Variants in BZW1 observed in about 807,000 individuals in gnomAD.
BZW1 encodes basic leucine zipper and W2 domains 1.
In BZW1, 3 loss-of-function variants were observed where a neutral mutation model predicts 54.1. That is an observed-to-expected ratio of 0.06 (90% CI 0.03 to 0.14). BZW1 has a LOEUF of 0.14. BZW1 is among the 10% of genes least tolerant of loss of function. BZW1 has a pLI of 1.00. For missense variants in BZW1, 206 were observed against 491.7 expected (o/e 0.42, Z 5.50); for synonymous variants, 152 against 162.7 (o/e 0.93, Z 0.50).
In BZW1 at chr2:200,815,521, A is replaced by G. The variant is rs1419993588; in HGVS notation, c.241+4A>G. On this transcript the variant is annotated splice_donor_region_variant and intron_variant, in intron 3 of 11. Coordinates refer to ENST00000409600, the MANE Select transcript of BZW1 (RefSeq NM_001207067.2). ...CTGGTGGCTGGTGGAATGCTGGGTAAGTGTCTGTGGTTTGTGGGCTTAATA... is the reference window on the plus strand; with the variant it reads ...CTGGTGGCTGGTGGAATGCTGGGTAGGTGTCTGTGGTTTGTGGGCTTAATA... The G allele has an allele frequency of 6.2e-7, 1 of 1,613,780 alleles. No individual in the cohort carries two copies. The highest frequency in any genetic ancestry group is 1.3e-5 in the African/African-American group (1 of 75,014).
chr2:200,819,091 A>G (rs927851475), intron 9 of BZW1, 190 bp downstream of exon 9: 2 of 687,502 alleles, frequency 2.9e-6, no homozygotes, highest in South Asian at 4.8e-5. Flanking sequence ...TTCACAGGTT[A>G]AAAACAAGAA....
At position 200,818,773 on chromosome 2, in the gene BZW1, G is replaced by A. The variant is rs374451772; in HGVS notation, c.838G>A (p.Glu280Lys). 3 of 1,585,762 alleles carry A rather than the reference G, an allele frequency of 1.9e-6. No individual in the cohort carries two copies. Among genetic ancestry groups the A allele is most frequent in the Non-Finnish European group, 2.6e-6 (3 of 1,173,196 alleles). The change falls in exon 9 of 12, where the codon GAG (glutamate) becomes AAG (lysine). Residue 280 changes from glutamate (E) to lysine (K), a missense_variant. Glu to Lys is a moderately conservative substitution (Grantham distance 56). Coordinates refer to ENST00000409600, the MANE Select transcript of BZW1 (RefSeq NM_001207067.2). ...PFKDIILYVK[E>K]EMKKNNIPEP... ...TTTGCAGATAATTTTATATGTCAAG[G>A]AGGAGATGAAAAAAAACAACATCCC...
intron 9 of BZW1, among the ~76,000 whole-genome samples, chr2:200,819,678 G>A (rs1275745335): frequency 2.6e-5 from 4 of 151,258 alleles, no homozygotes; most frequent in African/African-American, 7.3e-5. Flanking sequence ...CTGCCTCCTC[G>A]GCCTCCCAAG....
intron 10 of BZW1, 81 bp from the exon 11 acceptor site, chr2:200,821,102 G>C: frequency 6.6e-7 from 1 of 1,511,250 alleles, no homozygotes; most frequent in South Asian, 1.2e-5. Context: ...TTGCTAAGCA[G>C]GCATTTGCAC....
intron 10 of BZW1, among the ~76,000 whole-genome samples, chr2:200,820,925 G>A (rs1038833577): frequency 6.6e-6 from 1 of 152,200 alleles, no homozygotes; most frequent in Non-Finnish European, 1.5e-5. Flanking sequence ...AAAGTGGCTA[G>A]TAAAGACAAG....
intron 8 of BZW1, 35 bp from the exon 9 acceptor site, chr2:200,818,720 C>CA: frequency 6.4e-7 from 1 of 1,565,588 alleles, no homozygotes; most frequent in Non-Finnish European, 8.6e-7. Flanking sequence ...ATAATCAAAA[C>CA]TGACTTCTGT....
chr2:200,823,884 T>G lies in BZW1; in HGVS notation c.*1706T>G, dbSNP rs1189752739. On this transcript the variant is annotated 3_prime_UTR_variant, in exon 12 of 12. Transcript: ENST00000409600. Reference sequence around the variant, plus strand: ...TTTTTTTAAATTCCATGTTAATACCTAGTGGTATTGTATGTTGTGTGTTCA... The same window carrying G: ...TTTTTTTAAATTCCATGTTAATACCGAGTGGTATTGTATGTTGTGTGTTCA... 1 of 152,378 alleles carries G rather than the reference T, an allele frequency of 6.6e-6. No individual in the cohort carries two copies. The highest frequency in any genetic ancestry group is 1.9e-4 in the East Asian group (1 of 5,200). The allele number at this position is 152,378 out of a possible 1,614,324, so 9.4% of individuals were successfully genotyped here. A position where few individuals can be genotyped will look rare whatever the true frequency, so the allele number is the denominator to read the frequency against.
At position 200,822,229 on chromosome 2, in the gene BZW1, T is replaced by C; in HGVS notation, c.*51T>C. On this transcript the variant is annotated 3_prime_UTR_variant, in exon 12 of 12. Coordinates refer to ENST00000409600, the MANE Select transcript of BZW1 (RefSeq NM_001207067.2). ...GCAAACAGGAGTTGTAGATAAAATG[T>C]CATGTCTCATGTGTCCTGGTTCTTA... 1 of 1,459,816 alleles carries C rather than the reference T, an allele frequency of 6.9e-7. No individual in the cohort carries two copies. 90.4% of individuals were successfully genotyped at this position (1,459,816 alleles called of 1,614,324 possible).
intron 1 of BZW1, 28 bp from the exon 2 acceptor site, chr2:200,813,180 T>TA (rs2038154725): frequency 6.3e-7 from 1 of 1,583,754 alleles, no homozygotes; most frequent in Admixed American, 1.7e-5. Flanking sequence ...ATGGCACTGA[T>TA]ATTAAGGCTT....
chr2:200,818,615 C>G (rs1333850879), intron 8 of BZW1, 140 bp from the exon 9 acceptor site: 3 of 1,094,566 alleles, frequency 2.7e-6, no homozygotes, highest in African/African-American at 3.2e-5. Flanking sequence ...GTAAAGGTCT[C>G]TTTTTATATG....
chr2:200,812,317 T>TG, intron 1 of BZW1: 1 of 1,258,624 alleles, frequency 7.9e-7, no homozygotes, highest in Non-Finnish European at 1.0e-6. Flanking sequence ...GATGTACGCG[T>TG]GGGGGCTTCC....
intron 5 of BZW1, 48 bp from the exon 6 acceptor site, chr2:200,817,058 T>C (rs200487828): frequency 2.8e-5 from 44 of 1,591,366 alleles, no homozygotes; most frequent in Middle Eastern, 3.9e-4. Flanking sequence ...GCTTCTCTTA[T>C]TGTAATGCAG....
rs530187514 is a variant in BZW1 at position 200,817,150 on chromosome 2, G to A, written c.447G>A (p.Lys149=). Residue 149 remains lysine (K), a synonymous_variant, in exon 6 of 12, where the codon AAG becomes AAA. Transcript: ENST00000409600. ...GTTTTTCAGAGTCGGAGAGGAACAAGCTAGCTATGTTGACTGGTGTTCTTC... is the reference window on the plus strand; with the variant it reads ...GTTTTTCAGAGTCGGAGAGGAACAAACTAGCTATGTTGACTGGTGTTCTTC... ...LKGFSESERN[K]LAMLTGVLLA... is the part of the protein sequence containing the mutation. 7.4e-6 allele frequency: 12 copies of A among 1,613,876 alleles called. No individual in the cohort carries two copies. In the Middle Eastern group the frequency reaches 1.0e-3, roughly 134 times the overall value.
rs765790920 is a variant in BZW1, at chr2:200,818,820, A to G, written c.885A>G (p.Ile295Met). The change falls in exon 9 of 12, where the codon ATA becomes ATG. Residue 295 changes from isoleucine to methionine, a missense_variant. By Grantham distance (10) the Ile-to-Met change is conservative. Transcript: ENST00000409600. The part of the protein sequence containing the change: ...NNIPEPVVIG[I>M]VWSSVMSTVE... ...TCCCAGAGCCAGTTGTCATCGGAATAGTCTGGTCAAGTGTAATGAGCACTG... is the reference window on the plus strand; with the variant it reads ...TCCCAGAGCCAGTTGTCATCGGAATGGTCTGGTCAAGTGTAATGAGCACTG... The G allele has an allele frequency of 1.5e-5, 24 of 1,601,906 alleles. No individual in the cohort carries two copies. The highest frequency in any genetic ancestry group is 2.0e-5 in the Non-Finnish European group (24 of 1,176,996).
chr2:200,820,948 A>G (rs1371894725), intron 10 of BZW1, among the ~76,000 whole-genome samples: 1 of 152,224 alleles, frequency 6.6e-6, no homozygotes, highest in African/African-American at 2.4e-5. Flanking sequence ...CTCTGTTGGG[A>G]GAAAATCCAT....
intron 4 of BZW1, 68 bp downstream of exon 4, chr2:200,815,829 T>C (rs1368472939): frequency 3.0e-6 from 4 of 1,345,174 alleles, no homozygotes; most frequent in Non-Finnish European, 4.0e-6. Flanking sequence ...AGGAATATTC[T>C]ACTTTTAAGA....
intron 4 of BZW1, 38 bp downstream of exon 4, chr2:200,815,799 C>G (rs983033425): frequency 6.8e-7 from 1 of 1,464,294 alleles, no homozygotes; most frequent in Non-Finnish European, 9.2e-7. Context: ...CAGTTGGCTA[C>G]TATCCATGTG....
At position 200,826,216 on chromosome 2, in the gene BZW1, TG is replaced by T. The variant is rs1243620944; in HGVS notation, c.*4039del. 2.0e-5 allele frequency: 3 copies of T among 152,154 alleles called. No homozygotes were observed. The highest frequency in any genetic ancestry group is 4.4e-5 in the Non-Finnish European group (3 of 68,022). The allele number at this position is 152,154 out of a possible 1,614,324, so 9.4% of individuals were successfully genotyped here. The stretch of plus-strand genomic sequence containing the variant: ...ATGAAACTGGATCAGAAAGGCTTTC[TG>T]ACTCCTTTCTCTTCACTTTTTTCTC... On this transcript the variant is annotated 3_prime_UTR_variant, in exon 12 of 12. Transcript: ENST00000409600.
intron 2 of BZW1, 90 bp from the exon 3 acceptor site, chr2:200,815,250 AT>A: frequency 7.8e-7 from 1 of 1,287,446 alleles, no homozygotes; most frequent in South Asian, 1.5e-5. Context: ...AATCTAACTT[AT>A]TTAACAATTG....
Sources: gnomAD v4.1 joint callset for allele counts (sites outside exome capture counted in the v4.1 genomes callset) on GRCh38, gnomAD v4.1.1 for gene constraint, MANE v1.5 for transcripts, NCBI Gene and HGNC (gene_info 2026-07-23, HGNC 2026-07-21) for gene names.